SNTB2: variants seen among roughly 807,000 people sequenced by gnomAD.
The protein encoded by SNTB2 is syntrophin beta 2, also known as beta-2-syntrophin.
In SNTB2, 34 loss-of-function variants were observed where a neutral mutation model predicts 46.2. The ratio of observed to expected loss-of-function variants is 0.74; its 90% CI spans 0.56 to 0.98. The LOEUF (loss-of-function observed/expected upper bound fraction) is 0.98. SNTB2 is among the 50% of genes least tolerant of loss of function. The pLI is 0.00. For missense variants in SNTB2, 603 were observed against 731.4 expected, an observed-to-expected ratio of 0.82 and a Z score of 2.02; for synonymous variants, 290 against 312.6, an observed-to-expected ratio of 0.93 and a Z score of 0.76.
Position 69,194,771 on chromosome 16 carries a change from A to C in SNTB2, c.580+7025A>C, listed in dbSNP as rs117382364. On this transcript the variant is annotated intron_variant, in intron 1 of 6. Transcript: ENST00000336278. ...ATTTTCCTAGAACCACATGGACTGA[A>C]AGTGGGGGTTTCTCAAAGGAGAATT... Among the ~76,000 whole-genome samples, 375 of 152,280 alleles carry C rather than the reference A, an allele frequency of 2.5e-3. 2 individuals carry two copies. The highest frequency in any genetic ancestry group is 4.4e-3 in the Admixed American group (67 of 15,284).
chr16:69,267,225 G>A (rs1161157568), intron 3 of SNTB2, among the ~76,000 whole-genome samples: 1 of 152,022 alleles, frequency 6.6e-6, no homozygotes, highest in African/African-American at 2.4e-5. Flanking sequence ...CACCATGTTG[G>A]CCAGGATGGT....
At chr16:69,192,578 G>A (rs1382583487) in intron 1 of SNTB2, among the ~76,000 whole-genome samples, 1 of 152,078 alleles carries the variant, frequency 6.6e-6, no homozygotes, top group East Asian at 1.9e-4. Context: ...TTCCTTTAAA[G>A]GTTCTTTTTT....
At chr16:69,188,406 A>G (rs574293035) in intron 1 of SNTB2, among the ~76,000 whole-genome samples, 90 of 152,308 alleles carry the variant, frequency 5.9e-4, no homozygotes, top group African/African-American at 2.1e-3. Flanking sequence ...CCAGCTTCCT[A>G]CCACTCACAG....
At chr16:69,299,836 C>G in intron 6 of SNTB2, 62 bp downstream of exon 6, 1 of 1,493,410 alleles carries the variant, frequency 6.7e-7, no homozygotes, top group Non-Finnish European at 9.2e-7. Context: ...CTCATTACTT[C>G]TTACCCCTTA....
intron 1 of SNTB2, among the ~76,000 whole-genome samples, chr16:69,189,697 A>ATG (rs1402971465): frequency 6.6e-6 from 1 of 152,242 alleles, no homozygotes; most frequent in East Asian, 1.9e-4. Flanking sequence ...AGATCTCACC[A>ATG]CTGCACTCCA....
intron 2 of SNTB2, among the ~76,000 whole-genome samples, chr16:69,251,168 C>T (rs1235284546): frequency 1.3e-5 from 2 of 150,688 alleles, no homozygotes; most frequent in Admixed American, 6.6e-5. Context: ...TTAGTAGAGA[C>T]GGGGTTTCAC....
intron 5 of SNTB2, among the ~76,000 whole-genome samples, chr16:69,291,773 A>G (rs974999508): frequency 2.0e-5 from 3 of 152,156 alleles, no homozygotes; most frequent in Non-Finnish European, 4.4e-5. Context: ...CCGCGTCTCT[A>G]TGAAAAATTT....
In SNTB2 at chr16:69,304,242, T is replaced by C. The variant is rs1233012276; in HGVS notation, c.*3318T>C. 6.6e-6 allele frequency: 1 copy of C among 152,528 alleles called. No homozygotes were observed. Among genetic ancestry groups the C allele is most frequent in the Non-Finnish European group, 1.5e-5 (1 of 68,046 alleles). 9.4% of individuals were successfully genotyped at this position (152,528 alleles called of 1,614,324 possible). On this transcript the variant is annotated 3_prime_UTR_variant, in exon 7 of 7. Transcript: ENST00000336278. ...GTTTCTAATGTTGTATATGAAGAAA[T>C]ACTTAAATATAAGTTCCTGCAGTAT...
At chr16:69,282,601 T>C (rs1275830429) in intron 4 of SNTB2, among the ~76,000 whole-genome samples, 5 of 151,136 alleles carry the variant, frequency 3.3e-5, no homozygotes, top group Admixed American at 3.3e-4. Flanking sequence ...CATACAAACT[T>C]TGGAATCAGT....
At chr16:69,205,401 C>T (rs1964206700) in intron 1 of SNTB2, among the ~76,000 whole-genome samples, 1 of 149,906 alleles carries the variant, frequency 6.7e-6, no homozygotes. Flanking sequence ...GGTTTCACCA[C>T]GTTGGCCAGG....
intron 2 of SNTB2, among the ~76,000 whole-genome samples, chr16:69,251,080 G>A (rs926496002): frequency 2.7e-5 from 4 of 147,328 alleles, no homozygotes; most frequent in African/African-American, 9.9e-5. Context: ...CCGGGTTCAC[G>A]CCATTCTCCT....
At chr16:69,187,870 T>G in intron 1 of SNTB2, 124 bp downstream of exon 1, 30 of 750,444 alleles carry the variant, frequency 4.0e-5, no homozygotes, top group Non-Finnish European at 5.2e-5. Context: ...AAACCCGGGT[T>G]TCTGGAGCTT....
rs761602342 is a variant in SNTB2, at chr16:69,187,668, G to A, written c.502G>A (p.Gly168Ser). The A allele has an allele frequency of 6.5e-7, 1 of 1,541,676 alleles. No homozygotes were observed. Among genetic ancestry groups the A allele is most frequent in the Non-Finnish European group, 8.7e-7 (1 of 1,150,164 alleles). ...RLGDAILSVN[G>S]TDLRQATHDQ... ...GGGCGACGCCATCCTGTCGGTGAAC[G>A]GCACCGACCTGCGCCAGGCCACCCA... The change falls in exon 1 of 7, where the codon GGC (glycine) becomes AGC (serine). Residue 168 changes from glycine (G) to serine (S), a missense_variant. Physicochemically the swap from Gly to Ser is moderately conservative, Grantham distance 56. This residue lies in a region of SNTB2 where 537 missense variants were observed against 692.4 expected (regional missense o/e 0.78). Transcript: ENST00000336278.
rs545904752 is a variant in SNTB2 at position 69,216,693 on chromosome 16, C to A, written c.581-28909C>A. Among the ~76,000 whole-genome samples the A allele has an allele frequency of 4.8e-4, 71 of 149,470 alleles. 2 individuals are homozygous for A. The highest frequency in any genetic ancestry group is 3.6e-3 in the Admixed American group (54 of 14,978). On this transcript the variant is annotated intron_variant, in intron 1 of 6. Transcript: ENST00000336278. ...ACAGAGTGAGACCCTGCCCCCCCCC[C>A]AAAAAAAAATAGAAGTAATGGAATT...
At chr16:69,285,505 G>A (rs1965094239) in intron 5 of SNTB2, among the ~76,000 whole-genome samples, 2 of 145,588 alleles carry the variant, frequency 1.4e-5, no homozygotes, top group African/African-American at 5.1e-5. Context: ...AAAGAGACAG[G>A]GTCTAGCTCT....
chr16:69,298,788 C>T (rs536217471), intron 5 of SNTB2, among the ~76,000 whole-genome samples: 1 of 152,206 alleles, frequency 6.6e-6, no homozygotes, highest in East Asian at 1.9e-4. Flanking sequence ...TCCCAAAGTG[C>T]TGGGATTACA....
intron 5 of SNTB2, among the ~76,000 whole-genome samples, chr16:69,293,262 TTGAC>T: frequency 6.6e-6 from 1 of 152,134 alleles, no homozygotes; most frequent in Non-Finnish European, 1.5e-5. Context: ...AACCCATGCT[TTGAC>T]TGACCCAGAA....
intron 1 of SNTB2, among the ~76,000 whole-genome samples, 183 bp from the exon 2 acceptor site, chr16:69,245,419 T>A (rs1024693050): frequency 6.6e-6 from 1 of 152,162 alleles, no homozygotes. Flanking sequence ...GGCCTTGAAC[T>A]CCTGACCTCA....
chr16:69,256,652 T>C (rs1484152179), intron 2 of SNTB2, among the ~76,000 whole-genome samples: 1 of 152,210 alleles, frequency 6.6e-6, no homozygotes, highest in African/African-American at 2.4e-5. Flanking sequence ...TTAGGATTTC[T>C]TTCCTTATTA....
Sources: allele counts gnomAD v4.1 joint callset (sites outside exome capture counted in the v4.1 genomes callset), GRCh38; gene constraint gnomAD v4.1.1; regional missense constraint gnomAD v4.1.1; transcripts MANE v1.5; gene names NCBI Gene and HGNC (gene_info 2026-07-23, HGNC 2026-07-21).